The following PIK3C2G variants were observed in gnomAD, a reference collection of about 807,000 sequenced individuals.
PIK3C2G encodes phosphatidylinositol-4-phosphate 3-kinase catalytic subunit type 2 gamma, also known as phosphatidylinositol 3-kinase C2 domain-containing subunit gamma.
In PIK3C2G, 168 loss-of-function variants were observed where a neutral mutation model predicts 181.1. That is an observed-to-expected ratio of 0.93 (90% CI 0.82 to 1.05). The LOEUF (loss-of-function observed/expected upper bound fraction) is 1.05. Among genes scored for constraint, PIK3C2G ranks in the 50% least tolerant of loss-of-function variants. PIK3C2G has a pLI of 0.00. For synonymous variants in PIK3C2G, 573 were observed against 592.2 expected, an observed-to-expected ratio of 0.97 and a Z score of 0.47; for missense variants, 1,869 against 1,732.8, an observed-to-expected ratio of 1.08 and a Z score of -1.40.
chr12:18,315,305 T>C (rs1044488035), intron 6 of PIK3C2G, among the ~76,000 whole-genome samples: 3 of 152,048 alleles, frequency 2.0e-5, no homozygotes, highest in Admixed American at 2.0e-4. Flanking sequence ...TCCAAGGCTA[T>C]ACATCTGAAA....
chr12:18,306,974 G>A (rs73341276), intron 5 of PIK3C2G, among the ~76,000 whole-genome samples: 1,695 of 151,192 alleles, frequency 0.011, 28 homozygotes, highest in African/African-American at 0.038. Context: ...TAAAACAAGC[G>A]TAAGTATTTA....
intron 8 of PIK3C2G, among the ~76,000 whole-genome samples, chr12:18,328,779 T>C (rs1951462318): frequency 6.6e-6 from 1 of 152,024 alleles, no homozygotes; most frequent in South Asian, 2.1e-4. Flanking sequence ...GTACCCGTGT[T>C]ACTTTACTGC....
At chr12:18,708,887 T>C in the PIK3C2G span, among the ~76,000 whole-genome samples, 1,830 of 152,260 alleles carry the variant, frequency 0.012, 77 homozygotes, top group East Asian at 0.099. Flanking sequence ...TTGTATGAAT[T>C]CTTCATAAAT....
intron 31 of PIK3C2G, among the ~76,000 whole-genome samples, chr12:18,621,449 A>G (rs1948856985): frequency 6.6e-6 from 1 of 151,900 alleles, no homozygotes; most frequent in African/African-American, 2.4e-5. Flanking sequence ...GCATGTATTG[A>G]GTTAGAAAAA....
At chr12:18,321,481 A>G (rs1951104067) in intron 7 of PIK3C2G, among the ~76,000 whole-genome samples, 1 of 152,232 alleles carries the variant, frequency 6.6e-6, no homozygotes, top group African/African-American at 2.4e-5. Flanking sequence ...ACAAATGAAC[A>G]TATCCTACTT....
At chr12:18,611,259 A>C (rs1948316028) in intron 31 of PIK3C2G, among the ~76,000 whole-genome samples, 1 of 152,088 alleles carries the variant, frequency 6.6e-6, no homozygotes, top group African/African-American at 2.4e-5. Flanking sequence ...AATGACCCTA[A>C]AAAATGTGAA....
At chr12:18,673,691 C>G in the PIK3C2G span, among the ~76,000 whole-genome samples, 3 of 152,222 alleles carry the variant, frequency 2.0e-5, no homozygotes, top group Non-Finnish European at 4.4e-5. Flanking sequence ...CTCTGATTCA[C>G]TGTCTCTCAC....
intron 1 of PIK3C2G, among the ~76,000 whole-genome samples, chr12:18,252,976 G>A (rs894862922): frequency 1.3e-5 from 2 of 152,086 alleles, no homozygotes; most frequent in South Asian, 2.1e-4. Context: ...TTTGGAAGAC[G>A]TATGGGGAAA....
At chr12:18,678,396 T>C in the PIK3C2G span, among the ~76,000 whole-genome samples, 2 of 152,056 alleles carry the variant, frequency 1.3e-5, no homozygotes, top group African/African-American at 2.4e-5. Flanking sequence ...GTTTGAAGTA[T>C]ACAATTTGAT....
At chr12:18,277,993 T>C (rs1395058786) in intron 1 of PIK3C2G, among the ~76,000 whole-genome samples, 1 of 152,148 alleles carries the variant, frequency 6.6e-6, no homozygotes, top group East Asian at 1.9e-4. Flanking sequence ...GAGCTGAACT[T>C]TCCAACCAAT....
intron 18 of PIK3C2G, among the ~76,000 whole-genome samples, chr12:18,457,009 C>T (rs889336883): frequency 6.6e-6 from 1 of 151,724 alleles, no homozygotes; most frequent in Admixed American, 6.6e-5. Context: ...GATCTTGAAA[C>T]CATCAAAAAA....
chr12:18,552,456 A>G (rs1565500028), intron 26 of PIK3C2G, among the ~76,000 whole-genome samples: 1 of 152,112 alleles, frequency 6.6e-6, no homozygotes, highest in Non-Finnish European at 1.5e-5. Flanking sequence ...ATAAGAGCCA[A>G]TGTTTTCCTT....
chr12:18,663,620 A>G, the PIK3C2G span, among the ~76,000 whole-genome samples: 3 of 152,118 alleles, frequency 2.0e-5, no homozygotes, highest in Non-Finnish European at 2.9e-5. Context: ...ACCTAAACAT[A>G]ACAGCAAAAA....
intron 18 of PIK3C2G, among the ~76,000 whole-genome samples, chr12:18,455,176 C>A (rs1947557298): frequency 6.6e-6 from 1 of 152,144 alleles, no homozygotes; most frequent in Non-Finnish European, 1.5e-5. Flanking sequence ...AACCTAATCA[C>A]AGAAGATCAC....
chr12:18,716,452 A>C, the PIK3C2G span, among the ~76,000 whole-genome samples: 1 of 152,184 alleles, frequency 6.6e-6, no homozygotes, highest in African/African-American at 2.4e-5. Flanking sequence ...TTACATGTGG[A>C]GGCACCCAAG....
At chr12:18,622,684 G>C (rs1948914239) in intron 31 of PIK3C2G, among the ~76,000 whole-genome samples, 1 of 151,712 alleles carries the variant, frequency 6.6e-6, no homozygotes, top group Non-Finnish European at 1.5e-5. Context: ...CAGTGACAAG[G>C]GTTCCCTTTT....
intron 32 of PIK3C2G, among the ~76,000 whole-genome samples, chr12:18,644,983 G>T (rs1318508646): frequency 6.6e-6 from 1 of 152,050 alleles, no homozygotes; most frequent in Non-Finnish European, 1.5e-5. Context: ...GGAATGTTCA[G>T]TATATGTTAA....
intron 29 of PIK3C2G, among the ~76,000 whole-genome samples, chr12:18,577,327 A>C (rs1946282681): frequency 6.6e-6 from 1 of 152,198 alleles, no homozygotes; most frequent in African/African-American, 2.4e-5. Flanking sequence ...GACCAAAACC[A>C]CCAAACATAG....
chr12:18,596,925 T>C (rs1032449056), intron 30 of PIK3C2G, among the ~76,000 whole-genome samples: 9 of 152,288 alleles, frequency 5.9e-5, no homozygotes, highest in South Asian at 2.1e-4. Context: ...TAAATATTTG[T>C]GTTAAGTTGT....
Sources: gnomAD v4.1 joint callset for allele counts (sites outside exome capture counted in the v4.1 genomes callset) on GRCh38, gnomAD v4.1.1 for gene constraint, MANE v1.5 for transcripts, NCBI Gene and HGNC (gene_info 2026-07-23, HGNC 2026-07-21) for gene names.